FAF1: variants seen among roughly 807,000 people sequenced by gnomAD.
The protein encoded by FAF1 is Fas associated factor 1, also known as FAS-associated factor 1.
In FAF1, 25 loss-of-function variants were observed where a neutral mutation model predicts 92.5. That is an observed-to-expected ratio of 0.27 (90% confidence interval 0.20 to 0.38). FAF1 has a LOEUF of 0.38. FAF1 is among the 10% of genes least tolerant of loss of function. FAF1 has a pLI of 1.00. For missense variants in FAF1, 636 were observed against 793.3 expected (o/e 0.80, Z 2.38); for synonymous variants, 234 against 273.2 (o/e 0.86, Z 1.42).
chr1:50,854,713 C>T (rs553180613), intron 2 of FAF1, among the ~76,000 whole-genome samples: 9 of 151,844 alleles, frequency 5.9e-5, no homozygotes, highest in Non-Finnish European at 8.8e-5. Context: ...ATAATCAGAA[C>T]TCCTAGGACT....
At chr1:50,611,150 G>A (rs12568008) in intron 8 of FAF1, among the ~76,000 whole-genome samples, 13,971 of 152,190 alleles carry the variant, frequency 0.092, 822 homozygotes, top group African/African-American at 0.17. Flanking sequence ...TGGAGTATTT[G>A]ATTCACTTTG....
chr1:50,798,889 G>GT (rs916861802), intron 3 of FAF1, among the ~76,000 whole-genome samples: 7 of 152,044 alleles, frequency 4.6e-5, no homozygotes, highest in South Asian at 2.1e-4. Flanking sequence ...TTCTGTTCGT[G>GT]TTTTTTTTAA....
chr1:50,647,537 G>A (rs972740277), intron 8 of FAF1, among the ~76,000 whole-genome samples: 7 of 151,892 alleles, frequency 4.6e-5, no homozygotes, highest in African/African-American at 1.7e-4. Flanking sequence ...TAATTTGTCT[G>A]AAGTTTTCTT....
intron 2 of FAF1, among the ~76,000 whole-genome samples, chr1:50,848,256 T>A (rs572087487): frequency 6.6e-6 from 1 of 152,308 alleles, no homozygotes; most frequent in Non-Finnish European, 1.5e-5. Context: ...AGTAGCAAAA[T>A]ATTATGTTCC....
chr1:50,926,784 T>A (rs748649683), intron 1 of FAF1, among the ~76,000 whole-genome samples: 1 of 152,182 alleles, frequency 6.6e-6, no homozygotes, highest in Non-Finnish European at 1.5e-5. Flanking sequence ...AAAAGACTTT[T>A]AAGGAAGCAA....
intron 2 of FAF1, among the ~76,000 whole-genome samples, chr1:50,808,131 C>T (rs553636517): frequency 6.6e-6 from 1 of 152,006 alleles, no homozygotes; most frequent in Non-Finnish European, 1.5e-5. Context: ...AAATTCCAAC[C>T]AAGAATTCCA....
intron 1 of FAF1, among the ~76,000 whole-genome samples, chr1:50,861,380 T>C (rs1644431107): frequency 6.6e-6 from 1 of 151,846 alleles, no homozygotes; most frequent in African/African-American, 2.4e-5. Context: ...GAAGGTAGAA[T>C]CTTCATGATA....
intron 3 of FAF1, among the ~76,000 whole-genome samples, chr1:50,795,164 C>T (rs1453926139): frequency 6.6e-6 from 1 of 152,182 alleles, no homozygotes; most frequent in Non-Finnish European, 1.5e-5. Flanking sequence ...GCTAGAGAAA[C>T]TATGGAGTGC....
intron 13 of FAF1, among the ~76,000 whole-genome samples, chr1:50,546,143 G>A (rs1649004780): frequency 6.6e-6 from 1 of 152,134 alleles, no homozygotes; most frequent in Non-Finnish European, 1.5e-5. Context: ...TCCAGCCTGG[G>A]CAACAGAGTG....
intron 7 of FAF1, among the ~76,000 whole-genome samples, chr1:50,700,375 T>C (rs1219950464): frequency 6.6e-6 from 1 of 152,140 alleles, no homozygotes. Flanking sequence ...TTTGTAATTC[T>C]AGTAAAGCAC....
chr1:50,958,551 G>A (rs1645288902), intron 1 of FAF1, among the ~76,000 whole-genome samples: 1 of 151,938 alleles, frequency 6.6e-6, no homozygotes, highest in Admixed American at 6.6e-5. Context: ...GGTGGCCGGC[G>A]CCTGTAGTCC....
chr1:50,546,565 C>T (rs1008921910), intron 13 of FAF1, among the ~76,000 whole-genome samples: 10 of 152,040 alleles, frequency 6.6e-5, no homozygotes, highest in Non-Finnish European at 1.5e-4. Context: ...GGGGTTTCAC[C>T]ATGTTGGTCA....
rs577003500 is a variant in FAF1 at position 50,610,487 on chromosome 1, G to A, written c.745-14271C>T. Among the ~76,000 whole-genome samples, 14 of 152,130 alleles carry A rather than the reference G, an allele frequency of 9.2e-5. No individual in the cohort carries two copies. In the South Asian group the frequency reaches 1.7e-3, roughly 18 times the overall value. On this transcript the variant is annotated intron_variant, in intron 8 of 18. Transcript: ENST00000396153. ...TGTTTTTCAACAATTTATATTTCAC[G>A]TTAATTGTTATTGTTGTTATTGTTT...
intron 1 of FAF1, among the ~76,000 whole-genome samples, chr1:50,941,033 G>GTT (rs1216318705): frequency 1.6e-4 from 22 of 138,206 alleles, no homozygotes; most frequent in East Asian, 1.0e-3. Context: ...GGTTTTTTTG[G>GTT]TTTTTTTTTT....
intron 18 of FAF1, among the ~76,000 whole-genome samples, chr1:50,469,710 C>T (rs886961907): frequency 3.3e-5 from 5 of 151,900 alleles, no homozygotes; most frequent in African/African-American, 1.2e-4. Context: ...ATTAGGAAGC[C>T]ATAGGTTTAA....
chr1:50,791,441 CAAGAG>C, intron 3 of FAF1, among the ~76,000 whole-genome samples: 1 of 152,198 alleles, frequency 6.6e-6, no homozygotes, highest in Admixed American at 6.5e-5. Flanking sequence ...TAGATTCTAC[CAAGAG>C]GAGACACTAT....
rs1330538884 is a variant in FAF1 at position 50,819,654 on chromosome 1, ACACACACACACACACTCT to A, written c.115-17995_115-17978del. On this transcript the variant is annotated intron_variant, in intron 2 of 18. Transcript: ENST00000396153. Reference sequence around the variant, plus strand: ...CTGACTCACTCACACACACACACACACACACACACACACACTCTCTCTCTGTATATATATATACATATA... The same window carrying A: ...CTGACTCACTCACACACACACACACACTCTCTGTATATATATATACATATA... Among the ~76,000 whole-genome samples the A allele has an allele frequency of 6.5e-3, 903 of 138,396 alleles. 35 individuals carry two copies. The highest frequency in any genetic ancestry group is 0.024 in the African/African-American group (854 of 36,240). 90.8% of individuals were successfully genotyped at this position (138,396 alleles called of 152,430 possible). A position where few individuals can be genotyped will look rare whatever the true frequency, so the allele number is the denominator to read the frequency against.
At chr1:50,714,174 TTTC>T (rs904030591) in intron 6 of FAF1, among the ~76,000 whole-genome samples, 6 of 152,042 alleles carry the variant, frequency 3.9e-5, no homozygotes, top group Non-Finnish European at 7.4e-5. Flanking sequence ...AAATATTTTT[TTTC>T]TTCATTATGA....
intron 13 of FAF1, among the ~76,000 whole-genome samples, chr1:50,562,521 G>T (rs543907984): frequency 3.2e-4 from 48 of 152,054 alleles, no homozygotes; most frequent in Non-Finnish European, 5.6e-4. Context: ...ATGCTACTAT[G>T]GTAATATAAA....
Sources: allele counts gnomAD v4.1 joint callset (sites outside exome capture counted in the v4.1 genomes callset), GRCh38; gene constraint gnomAD v4.1.1; transcripts MANE v1.5; gene names NCBI Gene and HGNC (gene_info 2026-07-23, HGNC 2026-07-21).